The following IFT80 variants were observed in gnomAD, a reference collection of about 807,000 sequenced individuals.
IFT80 encodes intraflagellar transport protein 80 homolog.
IFT80 carries 79 observed loss-of-function variants against 107.9 expected under a neutral mutation model. The observed-to-expected ratio is 0.73, with a 90% CI of 0.61 to 0.88. IFT80 has a LOEUF of 0.88. Ranked by LOEUF, IFT80 falls within the 40% of genes least tolerant of loss-of-function variation. The pLI, the probability that IFT80 is intolerant of heterozygous loss-of-function variation, is 0.00. For missense variants in IFT80, 797 were observed against 914.2 expected (o/e 0.87, Z 1.65); for synonymous variants, 299 against 300.9 (o/e 0.99, Z 0.07).
chr3:160,270,718 G>A (rs1010490412), intron 18 of IFT80, among the ~76,000 whole-genome samples: 3 of 152,192 alleles, frequency 2.0e-5, no homozygotes, highest in Non-Finnish European at 4.4e-5. Context: ...CCTCAGTTCT[G>A]CTAACCCTCT....
At chr3:160,394,085 C>T (rs1713590641) in intron 1 of IFT80, 1 of 152,192 alleles carries the variant, frequency 6.6e-6, no homozygotes, top group Admixed American at 6.5e-5. Context: ...AGATTGGTGC[C>T]ATCACAGAAC....
intron 8 of IFT80, among the ~76,000 whole-genome samples, chr3:160,322,003 GTTATTTAT>G (rs145027648): frequency 0.19 from 28,224 of 146,240 alleles, 2,966 homozygotes; most frequent in Non-Finnish European, 0.23. Flanking sequence ...TTGTCAGCTT[GTTATTTAT>G]TTATTTATTT....
rs78689452 is a variant in IFT80, at chr3:160,284,780, C to T, written c.1380+1024G>A. ...TTTATGTATAGATATGGAACTATCT[C>T]CAGAAAGACAGTATTATATGAAAAA... On this transcript the variant is annotated intron_variant, in intron 13 of 19. Transcript: ENST00000326448. 2.9e-3 allele frequency among the ~76,000 whole-genome samples: 436 copies of T among 152,028 alleles called. 7 individuals are homozygous for T. The highest frequency in any genetic ancestry group is 0.023 in the East Asian group (119 of 5,182).
intron 12 of IFT80, among the ~76,000 whole-genome samples, chr3:160,287,328 C>T (rs1715168927): frequency 1.3e-5 from 2 of 152,310 alleles, no homozygotes; most frequent in Non-Finnish European, 2.9e-5. Flanking sequence ...GAAAAGTAGG[C>T]AGCTGCAGTG....
At position 160,321,935 on chromosome 3, in the gene IFT80, C is replaced by T. The variant is rs546584733; in HGVS notation, c.778-1996G>A. The stretch of plus-strand genomic sequence containing the variant: ...ACAGCCAAGAAGTATCAAGTTAGGC[C>T]AGCAGTTGCCCTGAGCATGCTTGTT... On this transcript the variant is annotated intron_variant, in intron 8 of 19. Coordinates refer to ENST00000326448, the MANE Select transcript of IFT80 (RefSeq NM_020800.3). 1.2e-4 allele frequency among the ~76,000 whole-genome samples: 18 copies of T among 151,716 alleles called. No individual in the cohort carries two copies. In the South Asian group the frequency reaches 3.5e-3, roughly 30 times the overall value.
chr3:160,320,418 A>T (rs1718119449), intron 8 of IFT80, among the ~76,000 whole-genome samples: 1 of 151,776 alleles, frequency 6.6e-6, no homozygotes, highest in Non-Finnish European at 1.5e-5. Context: ...ACGAAACTGG[A>T]TCTATTTCTT....
At chr3:160,269,072 T>C (rs1012975810) in intron 18 of IFT80, among the ~76,000 whole-genome samples, 2 of 151,976 alleles carry the variant, frequency 1.3e-5, no homozygotes, top group African/African-American at 2.4e-5. Context: ...CTGCTAAAGA[T>C]ACAAAAATTA....
At chr3:160,354,522 G>A (rs1439954486) in intron 8 of IFT80, among the ~76,000 whole-genome samples, 2 of 152,060 alleles carry the variant, frequency 1.3e-5, no homozygotes, top group Non-Finnish European at 2.9e-5. Context: ...GCGTGGTGAC[G>A]AGTGCCTGTA....
intron 1 of IFT80, among the ~76,000 whole-genome samples, chr3:160,389,818 T>C (rs1713227628): frequency 6.6e-6 from 1 of 152,104 alleles, no homozygotes; most frequent in Non-Finnish European, 1.5e-5. Flanking sequence ...TATAGCAGCA[T>C]GATTTATAGT....
intron 1 of IFT80, 83 bp from the exon 2 acceptor site, chr3:160,384,729 T>C (rs1344561227): frequency 1.4e-5 from 14 of 1,027,874 alleles, no homozygotes; most frequent in Non-Finnish European, 1.7e-5. Context: ...AAACAAAACA[T>C]CATTGCACCC....
At chr3:160,366,222 T>C (rs1268699429) in intron 5 of IFT80, 70 bp from the exon 6 acceptor site, 8 of 1,124,138 alleles carry the variant, frequency 7.1e-6, no homozygotes, top group African/African-American at 1.6e-5. Flanking sequence ...AAAGAGAGAT[T>C]GTTAAGAGGA....
intron 10 of IFT80, 111 bp downstream of exon 10, chr3:160,307,552 T>C (rs953097320): frequency 7.9e-6 from 6 of 761,086 alleles, no homozygotes; most frequent in Non-Finnish European, 1.4e-5. Context: ...ATAGCTGAGG[T>C]TTTGAGAAAG....
chr3:160,284,445 C>T (rs945276599), intron 13 of IFT80, among the ~76,000 whole-genome samples: 9 of 152,076 alleles, frequency 5.9e-5, no homozygotes, highest in African/African-American at 1.9e-4. Context: ...ATGACAATAA[C>T]GGAGAGGTTA....
intron 1 of IFT80, among the ~76,000 whole-genome samples, chr3:160,385,824 AAT>A (rs947917496): frequency 6.6e-6 from 1 of 152,232 alleles, no homozygotes; most frequent in Non-Finnish European, 1.5e-5. Context: ...AAAAAAGACT[AAT>A]AACATTTTAC....
intron 19 of IFT80, among the ~76,000 whole-genome samples, chr3:160,261,227 A>C (rs1263085254): frequency 7.2e-5 from 11 of 151,990 alleles, no homozygotes; most frequent in Admixed American, 7.2e-4. Flanking sequence ...ACACTTTAAG[A>C]ACTTTGCACT....
chr3:160,381,356 A>G (rs536286865), intron 3 of IFT80, 147 bp downstream of exon 3: 4 of 685,470 alleles, frequency 5.8e-6, no homozygotes, highest in African/African-American at 5.4e-5. Flanking sequence ...ACACAAACCA[A>G]GTGACTATTC....
chr3:160,320,435 T>C (rs991406447), intron 8 of IFT80, among the ~76,000 whole-genome samples: 1 of 151,836 alleles, frequency 6.6e-6, no homozygotes, highest in Non-Finnish European at 1.5e-5. Flanking sequence ...TCTTTTCTTT[T>C]TTTTTTAACA....
intron 18 of IFT80, among the ~76,000 whole-genome samples, chr3:160,273,326 C>T (rs185578105): frequency 4.7e-4 from 72 of 152,198 alleles, no homozygotes; most frequent in Admixed American, 2.2e-3. Flanking sequence ...AAGAGTGATA[C>T]GACCAGATTT....
chr3:160,288,111 G>A (rs146594555), intron 12 of IFT80, among the ~76,000 whole-genome samples: 5,859 of 152,264 alleles, frequency 0.038, 197 homozygotes, highest in African/African-American at 0.084. Flanking sequence ...TTGGGAGGCC[G>A]AGGTGGGTGG....
Sources: allele counts gnomAD v4.1 joint callset (sites outside exome capture counted in the v4.1 genomes callset), GRCh38; gene constraint gnomAD v4.1.1; transcripts MANE v1.5; gene names NCBI Gene and HGNC (gene_info 2026-07-23, HGNC 2026-07-21).